TMC2: variants seen among roughly 807,000 people sequenced by gnomAD.
TMC2 encodes transmembrane channel-like protein 2.
A neutral mutation model predicts 105.9 loss-of-function variants in TMC2; 102 were observed. The ratio of observed to expected loss-of-function variants is 0.96; its 90% CI spans 0.82 to 1.14. TMC2 has a LOEUF of 1.14. Among genes scored for constraint, TMC2 ranks in the 50% most tolerant of loss-of-function variants. The pLI is 0.00. For missense variants in TMC2, 1,093 were observed against 1,134.3 expected (o/e 0.96, Z 0.52); for synonymous variants, 402 against 422.8 (o/e 0.95, Z 0.60).
At chr20:2,559,606 T>C (rs1479954669) in intron 3 of TMC2, among the ~76,000 whole-genome samples, 7 of 152,204 alleles carry the variant, frequency 4.6e-5, no homozygotes. Context: ...GTTGATGTTC[T>C]TTCCCGGTGG....
At chr20:2,547,064 A>G (rs938714534) in intron 2 of TMC2, among the ~76,000 whole-genome samples, 1 of 152,222 alleles carries the variant, frequency 6.6e-6, no homozygotes, top group Admixed American at 6.5e-5. Flanking sequence ...CATAATGTAC[A>G]TGACATACCA....
intron 12 of TMC2, among the ~76,000 whole-genome samples, chr20:2,610,878 C>G (rs1329641369): frequency 6.6e-6 from 1 of 152,112 alleles, no homozygotes; most frequent in Non-Finnish European, 1.5e-5. Flanking sequence ...CTTTTCCACA[C>G]TGTTTCAGAG....
intron 17 of TMC2, among the ~76,000 whole-genome samples, chr20:2,632,416 C>T (rs887384579): frequency 5.3e-5 from 8 of 152,094 alleles, no homozygotes; most frequent in East Asian, 1.9e-4. Context: ...GGTTTTGTAT[C>T]GTTCTTTGAT....
In TMC2 at chr20:2,624,387, T is replaced by G; in HGVS notation, c.2297T>G (p.Leu766Arg). ...ANPGLIIPAI[L>R]LMFLAIYYLN... ...CCAGGCCTGATCATCCCAGCCATCC[T>G]GCTGATGTTGTAAGTTAGCCAGGAC... Residue 766 changes from leucine (L) to arginine (R), a missense_variant, in exon 17 of 20, where the codon CTG becomes CGG. Transcript: ENST00000358864. The G allele has an allele frequency of 6.2e-7, 1 of 1,613,566 alleles. No homozygotes were observed. Among genetic ancestry groups the G allele is most frequent in the Non-Finnish European group, 8.5e-7 (1 of 1,179,772 alleles).
intron 7 of TMC2, among the ~76,000 whole-genome samples, chr20:2,591,891 C>T (rs1249004064): frequency 2.0e-5 from 3 of 151,908 alleles, no homozygotes; most frequent in African/African-American, 4.8e-5. Flanking sequence ...CAGTGGTTCA[C>T]GCCTGTAATC....
intron 16 of TMC2, 44 bp downstream of exon 16, chr20:2,617,355 A>T (rs1204525021): frequency 6.2e-7 from 1 of 1,611,736 alleles, no homozygotes. Context: ...CTCCCGAGGC[A>T]GTCTGCTCAG....
At chr20:2,625,265 C>CA (rs2146258789) in intron 17 of TMC2, among the ~76,000 whole-genome samples, 1 of 152,092 alleles carries the variant, frequency 6.6e-6, no homozygotes, top group South Asian at 2.1e-4. Flanking sequence ...TACAGACAAC[C>CA]ATGTACACGA....
At chr20:2,549,000 A>G (rs912942575) in intron 2 of TMC2, among the ~76,000 whole-genome samples, 2 of 152,246 alleles carry the variant, frequency 1.3e-5, no homozygotes, top group African/African-American at 4.8e-5. Context: ...GAAATTAAAC[A>G]TAATAAATTA....
chr20:2,605,488 G>T (rs2086383926), intron 11 of TMC2, among the ~76,000 whole-genome samples: 1 of 152,152 alleles, frequency 6.6e-6, no homozygotes, highest in Non-Finnish European at 1.5e-5. Context: ...GAGAGAGAGA[G>T]AGATCTCTGG....
chr20:2,642,622 G>A lies in TMC2; in HGVS notation c.*1271G>A, dbSNP rs78321665. ...GGTTCTATGCAGAATATTTCTTAGG[G>A]GGAAGAAGCCAGGGGCCAGACCATT... On this transcript the variant is annotated 3_prime_UTR_variant, in exon 20 of 20. Coordinates refer to ENST00000358864, the MANE Select transcript of TMC2 (RefSeq NM_080751.3). Among the ~76,000 whole-genome samples, 3,397 of 152,162 alleles carry A rather than the reference G, an allele frequency of 0.022. 116 individuals carry two copies. Among genetic ancestry groups the A allele is most frequent in the African/African-American group, 0.074 (3,089 of 41,476 alleles).
chr20:2,594,245 T>TG (rs2086288568), intron 8 of TMC2, among the ~76,000 whole-genome samples: 1 of 149,434 alleles, frequency 6.7e-6, no homozygotes, highest in South Asian at 2.1e-4. Flanking sequence ...TTTTTTTTTT[T>TG]GAGACAGAGT....
intron 7 of TMC2, among the ~76,000 whole-genome samples, chr20:2,584,306 T>C (rs966266212): frequency 1.4e-5 from 2 of 145,214 alleles, no homozygotes; most frequent in Non-Finnish European, 3.0e-5. Context: ...TAGCCGGGCG[T>C]AGTGGCGGGT....
rs1320970876 is a variant in TMC2, at chr20:2,592,661, G to T, written c.933+253G>T. On this transcript the variant is annotated intron_variant, in intron 8 of 19. Coordinates refer to ENST00000358864, the MANE Select transcript of TMC2 (RefSeq NM_080751.3). This position sits in a 1 kb window ranked among gnomAD's most constrained non-coding sequence, Gnocchi z 4.9. ...AGCCACTGCACCTCTCTGTCTGCCA[G>T]GTCTCTGTAAGGTGATCTCACGGTA... Among the ~76,000 whole-genome samples the T allele has an allele frequency of 4.6e-5, 7 of 152,104 alleles. No homozygotes were observed. The highest frequency in any genetic ancestry group is 1.7e-4 in the African/African-American group (7 of 41,404).
intron 17 of TMC2, among the ~76,000 whole-genome samples, chr20:2,629,903 T>C (rs1600141166): frequency 6.6e-6 from 1 of 152,218 alleles, no homozygotes; most frequent in Non-Finnish European, 1.5e-5. Flanking sequence ...TCTATGACTG[T>C]TTTTCACAGA....
At chr20:2,583,445 G>C (rs2086209390) in intron 7 of TMC2, among the ~76,000 whole-genome samples, 1 of 150,970 alleles carries the variant, frequency 6.6e-6, no homozygotes, top group African/African-American at 2.4e-5. Flanking sequence ...CAGCAACCCA[G>C]CAACAACCAC....
rs772999193 is a variant in TMC2, at chr20:2,610,575, C to A, written c.1570C>A (p.Leu524Met). 3.7e-6 allele frequency: 6 copies of A among 1,604,462 alleles called. No individual in the cohort carries two copies. The East Asian group carries it at 1.1e-4, about 30-fold the overall frequency. Residue 524 changes from leucine to methionine, a missense_variant, in exon 12 of 20, where the codon CTG becomes ATG. Physicochemically the swap from Leu to Met is conservative, Grantham distance 15. Coordinates refer to ENST00000358864, the MANE Select transcript of TMC2 (RefSeq NM_080751.3). ...LGNLYTFLLA[L>M]MDDVHLKLAN... ...GAACCTCTACACATTTCTCTTGGCC[C>A]TGATGGATGACGTCCACCTCAAGGT...
chr20:2,595,018 C>T (rs2086295583), intron 9 of TMC2, 51 bp downstream of exon 9: 1 of 1,582,960 alleles, frequency 6.3e-7, no homozygotes, highest in Non-Finnish European at 8.6e-7. Context: ...CCACAGCTCA[C>T]TCCCCTGGCC....
chr20:2,573,452 A>G (rs1449530866), intron 5 of TMC2, among the ~76,000 whole-genome samples: 2 of 151,748 alleles, frequency 1.3e-5, no homozygotes, highest in Admixed American at 6.6e-5. Context: ...CAATTATTTA[A>G]TAACTAGTTA....
intron 2 of TMC2, among the ~76,000 whole-genome samples, chr20:2,537,789 G>C (rs138853845): frequency 6.6e-6 from 1 of 152,322 alleles, no homozygotes; most frequent in African/African-American, 2.4e-5. Context: ...TCCAGGAGAA[G>C]TGGGAGAGCC....
Sources: gnomAD v4.1 joint callset for allele counts (sites outside exome capture counted in the v4.1 genomes callset) on GRCh38, gnomAD v4.1.1 for gene constraint, Gnocchi (gnomAD v3.1) non-coding constraint, MANE v1.5 for transcripts, NCBI Gene and HGNC (gene_info 2026-07-23, HGNC 2026-07-21) for gene names.